Variants in ZFPM1 observed in about 807,000 individuals in gnomAD.
ZFPM1 encodes the protein zinc finger protein ZFPM1.
Under a neutral mutation model 46.3 loss-of-function variants are expected in ZFPM1, and 28 were observed. The ratio of observed to expected loss-of-function variants is 0.60; its 90% CI spans 0.45 to 0.83. The LOEUF is 0.83. ZFPM1 is among the 40% of genes least tolerant of loss of function. ZFPM1 has a pLI of 0.00. For missense variants in ZFPM1, 1,878 were observed against 1,432.4 expected (o/e 1.31, Z -5.02); for synonymous variants, 957 against 675.9 (o/e 1.42, Z -6.45).
intron 1 of ZFPM1, among the ~76,000 whole-genome samples, chr16:88,482,477 A>C (rs537056206): frequency 6.6e-6 from 1 of 152,034 alleles, no homozygotes; most frequent in African/African-American, 2.4e-5. Context: ...GCTCATCACC[A>C]CGGCTTTGTG....
chr16:88,472,152 C>T (rs542860965), intron 1 of ZFPM1, among the ~76,000 whole-genome samples: 1 of 152,140 alleles, frequency 6.6e-6, no homozygotes, highest in Admixed American at 6.5e-5. Flanking sequence ...TGAACCCCAG[C>T]GAGCCCCAGC....
chr16:88,517,301 G>A (rs1480857021), intron 4 of ZFPM1, among the ~76,000 whole-genome samples: 1 of 148,778 alleles, frequency 6.7e-6, no homozygotes, highest in Non-Finnish European at 1.5e-5. Context: ...TGAGTGGGTG[G>A]ATGGACAGAT....
chr16:88,489,667 G>A (rs967167702), intron 3 of ZFPM1, among the ~76,000 whole-genome samples: 12 of 152,338 alleles, frequency 7.9e-5, no homozygotes, highest in African/African-American at 2.4e-4. Flanking sequence ...CGGGGCCTGG[G>A]CCACAGGGTG....
intron 1 of ZFPM1, among the ~76,000 whole-genome samples, chr16:88,456,883 G>T (rs1265007496): frequency 1.3e-5 from 2 of 152,204 alleles, no homozygotes; most frequent in African/African-American, 4.8e-5. Flanking sequence ...GGATCCCACA[G>T]GCCAGATAGA....
chr16:88,475,270 C>T (rs1352833641), intron 1 of ZFPM1, among the ~76,000 whole-genome samples: 2 of 152,174 alleles, frequency 1.3e-5, no homozygotes, highest in Admixed American at 1.3e-4. Context: ...AGGGCCCAGG[C>T]CCTGGGGGGC....
upstream of ZFPM1, among the ~76,000 whole-genome samples, chr16:88,452,663 T>G (rs1162026762): frequency 6.6e-6 from 1 of 152,284 alleles, no homozygotes; most frequent in African/African-American, 2.4e-5. Flanking sequence ...CTGAGCCGGT[T>G]GTCACTGCCC....
At chr16:88,483,782 G>T in intron 1 of ZFPM1, among the ~76,000 whole-genome samples, 1 of 152,228 alleles carries the variant, frequency 6.6e-6, no homozygotes, top group East Asian at 1.9e-4. Flanking sequence ...CCCTCCAGGA[G>T]CAGTTTGGTT....
intron 2 of ZFPM1, 128 bp downstream of exon 2, chr16:88,486,171 C>T (rs569927059): frequency 1.7e-5 from 17 of 976,854 alleles, no homozygotes; most frequent in African/African-American, 8.1e-5. Context: ...CCAGGACAGG[C>T]GTCTTCCAGC....
chr16:88,458,484 G>T (rs1414111693), intron 1 of ZFPM1, among the ~76,000 whole-genome samples: 1 of 152,268 alleles, frequency 6.6e-6, no homozygotes, highest in East Asian at 1.9e-4. Context: ...AGTTGGAGAA[G>T]AAAGGAGGAG....
chr16:88,532,589 C>A (rs1307538791), intron 7 of ZFPM1, 25 bp from the exon 8 acceptor site: 1 of 1,548,768 alleles, frequency 6.5e-7, no homozygotes, highest in East Asian at 2.4e-5. Context: ...GCCCGGGCAC[C>A]GCTCTTACGC....
At position 88,486,004 on chromosome 16, in the gene ZFPM1, A is replaced by C. The variant is rs1291809868; in HGVS notation, c.106A>C (p.Lys36Gln). 1.9e-6 allele frequency: 3 copies of C among 1,612,844 alleles called. No homozygotes were observed. The highest frequency in any genetic ancestry group is 2.5e-6 in the Non-Finnish European group (3 of 1,179,926). Residue 36 changes from lysine (K) to glutamine (Q), a missense_variant, in exon 2 of 10, where the codon AAG becomes CAG. By Grantham distance (53) the Lys-to-Gln change is moderately conservative. Transcript: ENST00000319555. ...GGTGGGTGCCAGCCACATGGAGCAAAAGGCCACGGCACCTGAAGCCCCGAG... is the reference window on the plus strand; with the variant it reads ...GGTGGGTGCCAGCCACATGGAGCAACAGGCCACGGCACCTGAAGCCCCGAG... Reference protein sequence around the residue: ...QLVGASHMEQKATAPEAPSPP... With the variant: ...QLVGASHMEQQATAPEAPSPP...
At chr16:88,470,295 C>A (rs1000719344) in intron 1 of ZFPM1, among the ~76,000 whole-genome samples, 3 of 152,190 alleles carry the variant, frequency 2.0e-5, no homozygotes, top group Admixed American at 2.0e-4. Flanking sequence ...GGCGGGCAGC[C>A]TCTGGATGCC....
At chr16:88,465,582 C>T (rs1908097183) in intron 1 of ZFPM1, among the ~76,000 whole-genome samples, 4 of 152,172 alleles carry the variant, frequency 2.6e-5, no homozygotes, top group African/African-American at 4.8e-5. Flanking sequence ...GAACAGTGCC[C>T]GGTTATACAG....
chr16:88,455,129 T>TGGGG (rs1156628036), intron 1 of ZFPM1, among the ~76,000 whole-genome samples: 1 of 128,030 alleles, frequency 7.8e-6, no homozygotes, highest in African/African-American at 3.1e-5. Context: ...TGTTCGGTTC[T>TGGGG]GGGGTGTGTG....
rs4545806 is a variant in ZFPM1, at chr16:88,517,230, G to A, written c.402+2710G>A. Among the ~76,000 whole-genome samples, 100 of 98,940 alleles carry A rather than the reference G, an allele frequency of 1.0e-3. 1 individual carries two copies. Among genetic ancestry groups the A allele is most frequent in the Middle Eastern group, 0.01 (2 of 194 alleles). The allele number at this position is 98,940 out of a possible 152,430, so 64.9% of individuals were successfully genotyped here. On this transcript the variant is annotated intron_variant, in intron 4 of 9. Transcript: ENST00000319555. ...GATGGATGGATGGATGGATGGATGGGTGGGTGGGTGGGTGGATGGATGGAT... is the reference window on the plus strand; with the variant it reads ...GATGGATGGATGGATGGATGGATGGATGGGTGGGTGGGTGGATGGATGGAT...
intron 1 of ZFPM1, among the ~76,000 whole-genome samples, chr16:88,467,063 C>T (rs1597230599): frequency 6.6e-6 from 1 of 152,122 alleles, no homozygotes; most frequent in African/African-American, 2.4e-5. Flanking sequence ...CTCCCTGAAT[C>T]CTACTGGCAT....
chr16:88,533,178 C>T lies in ZFPM1; in HGVS notation c.1220C>T (p.Thr407Met), dbSNP rs775215579. ...DSLGSFQQQH[T>M]ALQGPLASAD... is the part of the protein sequence containing the mutation. ...CTGGGCAGCTTCCAGCAGCAGCACA[C>T]GGCCCTGCAAGGCCCCCTGGCCTCC... is the stretch of plus-strand genomic sequence containing the variant. Residue 407 changes from threonine (T) to methionine (M), a missense_variant, in exon 10 of 10, where the codon ACG becomes ATG. Physicochemically the swap from Thr to Met is moderately conservative, Grantham distance 81 (BLOSUM62 -1). Transcript: ENST00000319555. 1.3e-6 allele frequency: 2 copies of T among 1,522,372 alleles called. No homozygotes were observed. The highest frequency in any genetic ancestry group is 2.3e-5 in the East Asian group (1 of 43,210). 94.3% of individuals were successfully genotyped at this position (1,522,372 alleles called of 1,614,324 possible).
intron 4 of ZFPM1, among the ~76,000 whole-genome samples, chr16:88,523,772 C>G (rs1912086789): frequency 6.6e-6 from 1 of 152,168 alleles, no homozygotes; most frequent in African/African-American, 2.4e-5. Flanking sequence ...ATCTTGCACC[C>G]CTAGGTCTCC....
At chr16:88,499,160 C>T (rs1910108973) in intron 3 of ZFPM1, among the ~76,000 whole-genome samples, 2 of 152,154 alleles carry the variant, frequency 1.3e-5, no homozygotes, top group Non-Finnish European at 2.9e-5. Context: ...ACCTCCCGCA[C>T]CCACCCCAGC....
Sources: gnomAD v4.1 joint callset for allele counts (sites outside exome capture counted in the v4.1 genomes callset) on GRCh38, gnomAD v4.1.1 for gene constraint, MANE v1.5 for transcripts, NCBI Gene and HGNC (gene_info 2026-07-23, HGNC 2026-07-21) for gene names.